PIP5K1C: variants seen among roughly 807,000 people sequenced by gnomAD.
The protein encoded by PIP5K1C is phosphatidylinositol 4-phosphate 5-kinase type-1 gamma.
A neutral mutation model predicts 80.1 loss-of-function variants in PIP5K1C; 45 were observed. The observed-to-expected ratio is 0.56, with a 90% CI of 0.44 to 0.72. PIP5K1C has a LOEUF of 0.72. Among genes scored for constraint, PIP5K1C ranks in the 30% least tolerant of loss-of-function variants. The pLI is 0.00. For missense variants in PIP5K1C, 753 were observed against 954.6 expected, an observed-to-expected ratio of 0.79 and a Z score of 2.78; for synonymous variants, 498 against 420.1, an observed-to-expected ratio of 1.19 and a Z score of -2.27.
rs116646503 is a variant in PIP5K1C, at chr19:3,645,527, G to A, written c.1345+447C>T. On this transcript the variant is annotated intron_variant, in intron 11 of 17. Transcript: ENST00000335312. ...TTTGCCCTGGGACCTTCCCGACCAT[G>A]CCCTGCTGGGCTAGCCTCCTGCGTT... Among the ~76,000 whole-genome samples the A allele has an allele frequency of 2.6e-3, 397 of 152,356 alleles. 3 individuals carry two copies. Among genetic ancestry groups the A allele is most frequent in the African/African-American group, 9.1e-3 (377 of 41,584 alleles).
chr19:3,671,092 G>A (rs1414508662), intron 1 of PIP5K1C, among the ~76,000 whole-genome samples: 1 of 152,202 alleles, frequency 6.6e-6, no homozygotes, highest in Non-Finnish European at 1.5e-5. Flanking sequence ...GCCAGCGGTG[G>A]GCCGGGGCGG....
intron 1 of PIP5K1C, among the ~76,000 whole-genome samples, chr19:3,677,811 AT>A: frequency 3.7e-5 from 1 of 27,128 alleles, no homozygotes; most frequent in Non-Finnish European, 6.8e-5. Context: ...GGAGGGAGGG[AT>A]AGATGGAGGG....
intron 5 of PIP5K1C, among the ~76,000 whole-genome samples, chr19:3,657,991 G>T (rs971181294): frequency 2.6e-5 from 4 of 152,144 alleles, no homozygotes; most frequent in Non-Finnish European, 5.9e-5. Flanking sequence ...AGAGCCAGGG[G>T]CTTGAGGCGT....
At chr19:3,666,209 G>A (rs2035002102) in intron 2 of PIP5K1C, among the ~76,000 whole-genome samples, 1 of 152,244 alleles carries the variant, frequency 6.6e-6, no homozygotes, top group African/African-American at 2.4e-5. Context: ...AGGTGGGACA[G>A]GTGCCTTGGG....
In PIP5K1C at chr19:3,647,370, C is replaced by T; in HGVS notation, c.1228G>A (p.Glu410Lys). 1.3e-6 allele frequency: 2 copies of T among 1,583,064 alleles called. No individual in the cohort carries two copies. Among genetic ancestry groups the T allele is most frequent in the Non-Finnish European group, 1.7e-6 (2 of 1,163,502 alleles). Residue 410 changes from glutamate (E) to lysine (K), a missense_variant, in exon 10 of 18, where the codon GAG (glutamate) becomes AAG (lysine). Physicochemically the swap from Glu to Lys is moderately conservative, Grantham distance 56. Coordinates refer to ENST00000335312, the MANE Select transcript of PIP5K1C (RefSeq NM_012398.3). ...TGGACGAGGGCCTTCCAGGTGTGCTCCAGTTTCTTGATGAACCTGTGGAGA... is the reference window on the plus strand; with the variant it reads ...TGGACGAGGGCCTTCCAGGTGTGCTTCAGTTTCTTGATGAACCTGTGGAGA... Reference protein sequence around the residue: ...LQSYRFIKKLEHTWKALVHDG... With the variant: ...LQSYRFIKKLKHTWKALVHDG...
chr19:3,633,044 AG>A lies in PIP5K1C; in HGVS notation c.*122del. On this transcript the variant is annotated 3_prime_UTR_variant, in exon 18 of 18. Coordinates refer to ENST00000335312, the MANE Select transcript of PIP5K1C (RefSeq NM_012398.3). Reference sequence around the variant, plus strand: ...TCGGCATCCGTGCAGGGGGAGGACGAGGTCCGGTGGGGCGGCGAGGCGGGCA... The same window carrying A: ...TCGGCATCCGTGCAGGGGGAGGACGAGTCCGGTGGGGCGGCGAGGCGGGCA... 4.6e-6 allele frequency: 3 copies of A among 658,140 alleles called. No homozygotes were observed. The highest frequency in any genetic ancestry group is 5.6e-6 in the Non-Finnish European group (2 of 354,930). 40.8% of individuals were successfully genotyped at this position (658,140 alleles called of 1,614,324 possible). A position where few individuals can be genotyped will look rare whatever the true frequency, so the allele number is the denominator to read the frequency against.
Position 3,675,807 on chromosome 19 carries a change from C to G in PIP5K1C, c.95-8454G>C, listed in dbSNP as rs539564616. ...GTCCTGGGCACTGCAGGGTGCCGAG[C>G]AGCATCCCTGGCCTCCACCCACTCC... On this transcript the variant is annotated intron_variant, in intron 1 of 17. Transcript: ENST00000335312. 4.4e-4 allele frequency among the ~76,000 whole-genome samples: 67 copies of G among 152,308 alleles called. No homozygotes were observed. The South Asian group carries it at 0.013, about 31-fold the overall frequency.
chr19:3,699,763 G>A (rs1046786200), intron 1 of PIP5K1C, among the ~76,000 whole-genome samples: 4 of 152,194 alleles, frequency 2.6e-5, no homozygotes, highest in African/African-American at 9.6e-5. Context: ...GGCTCGGGGA[G>A]AGGAAAAGGG....
chr19:3,673,051 C>A (rs1344525090), intron 1 of PIP5K1C, among the ~76,000 whole-genome samples: 6 of 114,418 alleles, frequency 5.2e-5, no homozygotes, highest in Non-Finnish European at 3.4e-5. Context: ...AGACAAGGGT[C>A]TCCCCAGGCC....
chr19:3,654,671 G>A (rs1247145814), intron 6 of PIP5K1C, among the ~76,000 whole-genome samples: 1 of 152,016 alleles, frequency 6.6e-6, no homozygotes, highest in Non-Finnish European at 1.5e-5. Context: ...AAAATTAGCT[G>A]GGAGTGGTGG....
In PIP5K1C at chr19:3,664,450, C is replaced by T. The variant is rs902074513; in HGVS notation, c.219+372G>A. 6.6e-5 allele frequency among the ~76,000 whole-genome samples: 10 copies of T among 152,150 alleles called. No homozygotes were observed. In the South Asian group the frequency reaches 1.5e-3, roughly 22 times the overall value. On this transcript the variant is annotated intron_variant, in intron 3 of 17. Coordinates refer to ENST00000335312, the MANE Select transcript of PIP5K1C (RefSeq NM_012398.3). ...GTGGGGGTCAGGCTTCCTACCAACA[C>T]GGTGTGAGCCAGGCCAGCCTCAGAG...
chr19:3,640,319 G>A (rs1381673590), intron 15 of PIP5K1C, among the ~76,000 whole-genome samples: 1 of 152,244 alleles, frequency 6.6e-6, no homozygotes, highest in East Asian at 1.9e-4. Flanking sequence ...TTCGAGACCA[G>A]CCTGGTCAAC....
Position 3,648,762 on chromosome 19 carries a change from G to A in PIP5K1C, c.1128-54C>T. On this transcript the variant is annotated intron_variant, in intron 8 of 17. Coordinates refer to ENST00000335312, the MANE Select transcript of PIP5K1C (RefSeq NM_012398.3). This position sits in a 1 kb window ranked among gnomAD's most constrained non-coding sequence, Gnocchi z 4.3. ...GCATCCCGCAGAGCTGGGACTCGGG[G>A]CAGGCGGGGCTGGGGACTCCAGGGC... The A allele has an allele frequency of 2.0e-6, 3 of 1,506,354 alleles. No homozygotes were observed. Among genetic ancestry groups the A allele is most frequent in the East Asian group, 2.3e-5 (1 of 44,280 alleles). The allele number at this position is 1,506,354 out of a possible 1,614,324, so 93.3% of individuals were successfully genotyped here.
At chr19:3,641,517 G>A (rs543622586) in intron 15 of PIP5K1C, among the ~76,000 whole-genome samples, 188 bp downstream of exon 15, 1 of 152,296 alleles carries the variant, frequency 6.6e-6, no homozygotes, top group East Asian at 1.9e-4. Context: ...TCCCCTGGGG[G>A]CTAGGATCAC....
intron 1 of PIP5K1C, among the ~76,000 whole-genome samples, chr19:3,676,504 T>A (rs936095415): frequency 1.3e-5 from 2 of 152,148 alleles, no homozygotes; most frequent in Non-Finnish European, 2.9e-5. Context: ...GGCTGCACCA[T>A]CACTCGGCCC....
At chr19:3,697,018 G>C (rs143450819) in intron 1 of PIP5K1C, among the ~76,000 whole-genome samples, 42 of 152,130 alleles carry the variant, frequency 2.8e-4, no homozygotes, top group African/African-American at 9.9e-4. Context: ...GCTGGACCGA[G>C]GAGGACCGAG....
intron 1 of PIP5K1C, among the ~76,000 whole-genome samples, chr19:3,672,164 C>A (rs1446093439): frequency 6.6e-6 from 1 of 152,236 alleles, no homozygotes; most frequent in African/African-American, 2.4e-5. Flanking sequence ...TCTCTCTGAG[C>A]CTCAGTCTCT....
intron 8 of PIP5K1C, among the ~76,000 whole-genome samples, chr19:3,651,349 C>T (rs2034442522): frequency 6.6e-6 from 1 of 152,216 alleles, no homozygotes; most frequent in African/African-American, 2.4e-5. Flanking sequence ...AGACACTGCG[C>T]CCAGCCAGCA....
chr19:3,684,001 C>T (rs1027510640), intron 1 of PIP5K1C, among the ~76,000 whole-genome samples: 2 of 151,486 alleles, frequency 1.3e-5, no homozygotes, highest in Non-Finnish European at 2.9e-5. Flanking sequence ...GCCCCCACCA[C>T]CCCGACCAGT....
Sources: gnomAD v4.1 joint callset for allele counts (sites outside exome capture counted in the v4.1 genomes callset) on GRCh38, gnomAD v4.1.1 for gene constraint, Gnocchi (gnomAD v3.1) non-coding constraint, MANE v1.5 for transcripts, NCBI Gene and HGNC (gene_info 2026-07-23, HGNC 2026-07-21) for gene names.